NDUFS1: variants seen among roughly 807,000 people sequenced by gnomAD.
The protein encoded by NDUFS1 is NADH:ubiquinone oxidoreductase core subunit S1, also known as NADH-ubiquinone oxidoreductase 75 kDa subunit, mitochondrial.
Under a neutral mutation model 84.4 loss-of-function variants are expected in NDUFS1, and 61 were observed. The observed-to-expected ratio is 0.72, with a 90% CI of 0.59 to 0.89. The LOEUF (loss-of-function observed/expected upper bound fraction) is 0.89, where lower values mean the gene tolerates loss of function less well. Ranked by LOEUF, NDUFS1 falls within the 40% of genes least tolerant of loss-of-function variation. The pLI is 0.00. For synonymous variants in NDUFS1, 275 were observed against 290.0 expected (o/e 0.95, Z 0.53); for missense variants, 891 against 890.0 (o/e 1.00, Z -0.01).
At chr2:206,144,831 A>T in intron 9 of NDUFS1, 61 bp downstream of exon 9, 9 of 1,538,732 alleles carry the variant, frequency 5.8e-6, no homozygotes, top group Non-Finnish European at 7.1e-6. Flanking sequence ...ATTCTTCAAA[A>T]TTATTATAAA....
At chr2:206,126,677 C>T (rs1691306006) in intron 17 of NDUFS1, 33 bp downstream of exon 17, 2 of 1,614,118 alleles carry the variant, frequency 1.2e-6, no homozygotes, top group Admixed American at 3.3e-5. Flanking sequence ...GTAGATACAA[C>T]ATTATGAAAA....
intron 15 of NDUFS1, among the ~76,000 whole-genome samples, chr2:206,129,273 T>C (rs890955362): frequency 1.3e-5 from 2 of 152,206 alleles, no homozygotes; most frequent in Non-Finnish European, 2.9e-5. Flanking sequence ...TTTAATTTTA[T>C]TAAAAATAAC....
intron 10 of NDUFS1, 28 bp downstream of exon 10, chr2:206,143,990 A>G: frequency 6.5e-7 from 1 of 1,527,740 alleles, no homozygotes; most frequent in Non-Finnish European, 9.1e-7. Context: ...CACAAACACT[A>G]TTTAACACTA....
chr2:206,119,290 G>C lies in NDUFS1; in HGVS notation c.*4895C>G, dbSNP rs1304059102. The C allele has an allele frequency of 2.6e-5, 4 of 152,132 alleles. No homozygotes were observed. Among genetic ancestry groups the C allele is most frequent in the Non-Finnish European group, 4.4e-5 (3 of 68,014 alleles). 9.4% of individuals were successfully genotyped at this position (152,132 alleles called of 1,614,324 possible). A position where few individuals can be genotyped will look rare whatever the true frequency, so the allele number is the denominator to read the frequency against. On this transcript the variant is annotated 3_prime_UTR_variant, in exon 19 of 19. Coordinates refer to ENST00000233190, the MANE Select transcript of NDUFS1 (RefSeq NM_005006.7). ...TCATCAAAACAATTCTATGAGGCTGGAAGTAGGTACAATTTTACAATTTTT... is the reference window on the plus strand; with the variant it reads ...TCATCAAAACAATTCTATGAGGCTGCAAGTAGGTACAATTTTACAATTTTT...
At chr2:206,141,105 G>C (rs1691929988) in intron 12 of NDUFS1, among the ~76,000 whole-genome samples, 1 of 152,028 alleles carries the variant, frequency 6.6e-6, no homozygotes, top group South Asian at 2.1e-4. Context: ...GCAAGGAGAG[G>C]AGAAAACGGA....
intron 1 of NDUFS1, 91 bp downstream of exon 1, chr2:206,159,250 A>G (rs1450420590): frequency 9.9e-7 from 1 of 1,012,324 alleles, no homozygotes; most frequent in African/African-American, 1.6e-5. Context: ...ACAACAGAAG[A>G]CTACGTCGCG....
In NDUFS1 at chr2:206,138,534, G is replaced by A. The variant is rs1168621428; in HGVS notation, c.1343C>T (p.Ser448Phe). ...LTYTYDHLGD[S>F]PKILQDIASG... ...AGCAATGTCTTGAAGAATTTTGGGG[G>A]AGTCTCCCAGGTGGTCATATGTGTA... The change falls in exon 13 of 19, where the codon TCC (serine) becomes TTC (phenylalanine). Residue 448 changes from serine to phenylalanine, a missense_variant. Coordinates refer to ENST00000233190, the MANE Select transcript of NDUFS1 (RefSeq NM_005006.7). 1.2e-6 allele frequency: 2 copies of A among 1,614,132 alleles called. No homozygotes were observed. The highest frequency in any genetic ancestry group is 1.7e-6 in the Non-Finnish European group (2 of 1,179,984).
At position 206,147,030 on chromosome 2, in the gene NDUFS1, T is replaced by C. The variant is rs1192554517; in HGVS notation, c.610A>G (p.Met204Val). 2.5e-6 allele frequency: 4 copies of C among 1,614,148 alleles called. No homozygotes were observed. The East Asian group carries it at 6.7e-5, about 27-fold the overall frequency. Residue 204 changes from methionine to valine, a missense_variant, in exon 8 of 19, where the codon ATG becomes GTG. Met to Val is a conservative substitution (Grantham distance 21). Coordinates refer to ENST00000233190, the MANE Select transcript of NDUFS1 (RefSeq NM_005006.7). ...DLGTTGRGND[M>V]QVGTYIEKMF... ...TTTTCAATGTATGTGCCAACTTGCATATCATTTCCTCTGCCTGTTGTTCCC... is the reference window on the plus strand; with the variant it reads ...TTTTCAATGTATGTGCCAACTTGCACATCATTTCCTCTGCCTGTTGTTCCC...
chr2:206,124,229 C>T lies in NDUFS1; in HGVS notation c.2140G>A (p.Val714Ile), dbSNP rs771012852. The change falls in exon 19 of 19, where the codon GTC (valine) becomes ATC (isoleucine). Residue 714 changes from valine (V) to isoleucine (I), a missense_variant. Coordinates refer to ENST00000233190, the MANE Select transcript of NDUFS1 (RefSeq NM_005006.7). ...TCTACTGCCTGGGCACCCTCTGTGA[C>T]AGCTTTGACACATTTGGCCATTGTC... ...SQTMAKCVKA[V>I]TEGAQAVEEP... 1.9e-6 allele frequency: 3 copies of T among 1,613,638 alleles called. No individual in the cohort carries two copies. The highest frequency in any genetic ancestry group is 1.7e-6 in the Non-Finnish European group (2 of 1,179,580).
intron 18 of NDUFS1, 34 bp from the exon 19 acceptor site, chr2:206,124,310 T>C (rs747289613): frequency 2.8e-5 from 43 of 1,518,526 alleles, no homozygotes; most frequent in Non-Finnish European, 3.8e-5. Flanking sequence ...ATTTTGATAA[T>C]ACAACTTTTT....
In NDUFS1 at chr2:206,139,726, T is replaced by C. The variant is rs193021000; in HGVS notation, c.1263-1112A>G. Among the ~76,000 whole-genome samples the C allele has an allele frequency of 3.7e-3, 556 of 152,026 alleles. 7 individuals carry two copies. Among genetic ancestry groups the C allele is most frequent in the African/African-American group, 0.012 (505 of 41,476 alleles). ...TTGTCTGAGATAATGCTTTTTTTTTTCCCTGTTATCCTGATGTAATTATTA... is the reference window on the plus strand; with the variant it reads ...TTGTCTGAGATAATGCTTTTTTTTTCCCCTGTTATCCTGATGTAATTATTA... On this transcript the variant is annotated intron_variant, in intron 12 of 18. Coordinates refer to ENST00000233190, the MANE Select transcript of NDUFS1 (RefSeq NM_005006.7).
Position 206,115,978 on chromosome 2 carries a change from G to T in NDUFS1, c.*8207C>A, listed in dbSNP as rs1382883147. The T allele has an allele frequency of 1.4e-6, 1 of 712,316 alleles. No individual in the cohort carries two copies. Among genetic ancestry groups the T allele is most frequent in the Non-Finnish European group, 2.6e-6 (1 of 383,972 alleles). 44.1% of individuals were successfully genotyped at this position (712,316 alleles called of 1,614,324 possible). A position where few individuals can be genotyped will look rare whatever the true frequency, so the allele number is the denominator to read the frequency against. ...TAAAAGGCATCTTCTTTCATTAGCA[G>T]TGTTAACAGTAGTTTTTTTTTCCCA... On this transcript the variant is annotated 3_prime_UTR_variant, in exon 19 of 19. Coordinates refer to ENST00000233190, the MANE Select transcript of NDUFS1 (RefSeq NM_005006.7).
intron 2 of NDUFS1, among the ~76,000 whole-genome samples, chr2:206,153,057 T>C (rs1692437397): frequency 6.6e-6 from 1 of 152,168 alleles, no homozygotes; most frequent in South Asian, 2.1e-4. Context: ...AGATCACTTT[T>C]CAAAAACAGA....
At position 206,127,867 on chromosome 2, in the gene NDUFS1, T is replaced by G; in HGVS notation, c.1814A>C (p.Gln605Pro). 6.2e-7 allele frequency: 1 copy of G among 1,614,152 alleles called. No homozygotes were observed. Among genetic ancestry groups the G allele is most frequent in the Non-Finnish European group, 8.5e-7 (1 of 1,180,024 alleles). ...TYVNTEGRAQ[Q>P]TKVAVTPPGL... The stretch of plus-strand genomic sequence containing the variant: ...AGGAGGTGTCACTGCTACCTTAGTC[T>G]GCTGAGCTCTACCCTCAGTGTTGAC... The change falls in exon 16 of 19, where the codon CAG (glutamine) becomes CCG (proline). Residue 605 changes from glutamine (Q) to proline (P), a missense_variant. Transcript: ENST00000233190.
chr2:206,127,868 G>A lies in NDUFS1; in HGVS notation c.1813C>T (p.Gln605Ter). Residue 605 changes from glutamine (Q) to a stop codon, truncating the protein, a stop_gained, in exon 16 of 19, where the codon CAG (glutamine) becomes TAG (stop). Coordinates refer to ENST00000233190, the MANE Select transcript of NDUFS1 (RefSeq NM_005006.7). LOFTEE classifies it high-confidence loss of function. ...TYVNTEGRAQ[Q>*]TKVAVTPPGL... ...GGAGGTGTCACTGCTACCTTAGTCT[G>A]CTGAGCTCTACCCTCAGTGTTGACA... 2 of 1,614,068 alleles carry A rather than the reference G, an allele frequency of 1.2e-6. No individual in the cohort carries two copies.
chr2:206,136,579 G>T (rs1172555513), intron 13 of NDUFS1, among the ~76,000 whole-genome samples: 1 of 151,292 alleles, frequency 6.6e-6, no homozygotes, highest in African/African-American at 2.4e-5. Context: ...GATTACAGGT[G>T]CCCATCACCA....
At chr2:206,139,658 G>C (rs1018564761) in intron 12 of NDUFS1, among the ~76,000 whole-genome samples, 3 of 151,626 alleles carry the variant, frequency 2.0e-5, no homozygotes, top group African/African-American at 7.3e-5. Flanking sequence ...TATGGCTCCA[G>C]TTCCTCCAAA....
intron 15 of NDUFS1, 138 bp downstream of exon 15, chr2:206,129,950 A>T (rs529698989): frequency 3.7e-5 from 30 of 805,850 alleles, no homozygotes; most frequent in Middle Eastern, 3.7e-4. Flanking sequence ...TGGTTTGTTT[A>T]AAAAAAAAGG....
intron 16 of NDUFS1, 76 bp downstream of exon 16, chr2:206,127,721 T>G: frequency 4.0e-6 from 6 of 1,501,648 alleles, no homozygotes; most frequent in Non-Finnish European, 5.6e-6. Flanking sequence ...TCCTTGACTT[T>G]GAAAATCATT....
Sources: gnomAD v4.1 joint callset for allele counts (sites outside exome capture counted in the v4.1 genomes callset) on GRCh38, gnomAD v4.1.1 for gene constraint, MANE v1.5 for transcripts, NCBI Gene and HGNC (gene_info 2026-07-23, HGNC 2026-07-21) for gene names.